Variants in INPP4B observed in about 807,000 individuals in gnomAD.
The protein encoded by INPP4B is inositol polyphosphate-4-phosphatase type II B, also known as inositol polyphosphate 4-phosphatase type II.
In INPP4B, 55 loss-of-function variants were observed where a neutral mutation model predicts 122.5. That is an observed-to-expected ratio of 0.45 (90% confidence interval 0.36 to 0.56). The LOEUF (loss-of-function observed/expected upper bound fraction) is 0.56. INPP4B is among the 20% of genes least tolerant of loss of function. The probability of loss-of-function intolerance (pLI) is 0.00; values close to 1 mark genes in which losing one functional copy is unlikely to be tolerated. For synonymous variants in INPP4B, 403 were observed against 388.7 expected, an observed-to-expected ratio of 1.04 and a Z score of -0.43; for missense variants, 1,000 against 1,097.7, an observed-to-expected ratio of 0.91 and a Z score of 1.26.
At chr4:142,567,253 T>A (rs1450693469) in intron 2 of INPP4B, among the ~76,000 whole-genome samples, 1 of 152,048 alleles carries the variant, frequency 6.6e-6, no homozygotes, top group Non-Finnish European at 1.5e-5. Context: ...TAAATTCGAA[T>A]CCATACACAG....
chr4:142,252,771 A>G (rs1461086777), intron 11 of INPP4B, among the ~76,000 whole-genome samples: 1 of 152,230 alleles, frequency 6.6e-6, no homozygotes, highest in Non-Finnish European at 1.5e-5. Flanking sequence ...GAGTTATATA[A>G]TTAGGAAGTC....
In INPP4B at chr4:142,717,497, C is replaced by T. The variant is rs560010687; in HGVS notation, c.-191+8342G>A. On this transcript the variant is annotated intron_variant, in intron 2 of 25. Coordinates refer to ENST00000262992, the MANE Select transcript of INPP4B (RefSeq NM_001101669.3). ...CCAAACTATCTGGCTACCAAAATGT[C>T]CATCAATGGTAGACTGGATTAAGAA... Among the ~76,000 whole-genome samples the T allele has an allele frequency of 1.8e-3, 279 of 152,238 alleles. 5 individuals carry two copies. The South Asian group carries it at 0.019, about 11-fold the overall frequency.
chr4:142,396,240 G>A (rs1799320652), intron 7 of INPP4B, among the ~76,000 whole-genome samples: 1 of 152,054 alleles, frequency 6.6e-6, no homozygotes, highest in Non-Finnish European at 1.5e-5. Context: ...TATCCACAAT[G>A]TATGAAGAAC....
intron 2 of INPP4B, among the ~76,000 whole-genome samples, chr4:142,467,315 C>T (rs1817969991): frequency 6.6e-6 from 1 of 152,202 alleles, no homozygotes; most frequent in African/African-American, 2.4e-5. Flanking sequence ...GGCAGGGCTT[C>T]CTCAGGCCAT....
chr4:142,580,907 C>T (rs1166269937), intron 2 of INPP4B, among the ~76,000 whole-genome samples: 3 of 151,972 alleles, frequency 2.0e-5, no homozygotes, highest in African/African-American at 7.2e-5. Context: ...GGAACTATAT[C>T]TTATTACATG....
intron 21 of INPP4B, among the ~76,000 whole-genome samples, chr4:142,120,375 C>T (rs1796062630): frequency 2.0e-5 from 3 of 152,050 alleles, no homozygotes; most frequent in South Asian, 2.1e-4. Flanking sequence ...AAAAAGACTA[C>T]GGAGATTTAG....
At chr4:142,267,564 T>A (rs1022013294) in intron 10 of INPP4B, among the ~76,000 whole-genome samples, 6 of 152,122 alleles carry the variant, frequency 3.9e-5, no homozygotes, top group African/African-American at 1.2e-4. Context: ...TGCACAAAAA[T>A]CAACTCAAAA....
intron 1 of INPP4B, among the ~76,000 whole-genome samples, chr4:142,793,399 A>G (rs943852522): frequency 3.9e-5 from 6 of 152,122 alleles, no homozygotes; most frequent in Non-Finnish European, 7.4e-5. Flanking sequence ...TGAATAGAGA[A>G]GCAGAACTAT....
chr4:142,728,965 G>A (rs890535894), intron 1 of INPP4B, among the ~76,000 whole-genome samples: 2 of 152,038 alleles, frequency 1.3e-5, no homozygotes, highest in African/African-American at 2.4e-5. Context: ...AAAATCTTAC[G>A]GTTAATTTAA....
intron 1 of INPP4B, among the ~76,000 whole-genome samples, chr4:142,748,325 A>C (rs971215599): frequency 6.6e-6 from 1 of 152,054 alleles, no homozygotes; most frequent in African/African-American, 2.4e-5. Context: ...GACTTAAAAA[A>C]ATGAAAAAAG....
At chr4:142,454,299 C>G (rs540112387) in intron 3 of INPP4B, among the ~76,000 whole-genome samples, 3 of 152,178 alleles carry the variant, frequency 2.0e-5, no homozygotes, top group African/African-American at 7.2e-5. Context: ...ACATTCTGCC[C>G]TTGCCAGAGT....
intron 2 of INPP4B, among the ~76,000 whole-genome samples, chr4:142,541,672 G>C (rs1225223562): frequency 6.6e-6 from 1 of 152,200 alleles, no homozygotes; most frequent in Admixed American, 6.5e-5. Context: ...TGTTGGTAGA[G>C]AGCGCTGCAG....
intron 25 of INPP4B, among the ~76,000 whole-genome samples, chr4:142,057,406 T>A (rs1578750519): frequency 6.6e-6 from 1 of 152,248 alleles, no homozygotes; most frequent in East Asian, 1.9e-4. Context: ...AGTGATGGAA[T>A]GCGAGAATAA....
chr4:142,408,993 T>G (rs1804028138), intron 5 of INPP4B, among the ~76,000 whole-genome samples: 1 of 152,096 alleles, frequency 6.6e-6, no homozygotes, highest in Non-Finnish European at 1.5e-5. Context: ...TTGTGACTTG[T>G]CATCAGAAAA....
chr4:142,629,805 C>T (rs931418343), intron 2 of INPP4B, among the ~76,000 whole-genome samples: 1 of 152,014 alleles, frequency 6.6e-6, no homozygotes, highest in Non-Finnish European at 1.5e-5. Context: ...TGCCCTCTGC[C>T]CAATTGCCCT....
At chr4:142,181,215 C>T (rs1370413209) in intron 15 of INPP4B, among the ~76,000 whole-genome samples, 1 of 152,192 alleles carries the variant, frequency 6.6e-6, no homozygotes, top group African/African-American at 2.4e-5. Context: ...AACCACTCTG[C>T]ATTGAAGTTC....
intron 18 of INPP4B, among the ~76,000 whole-genome samples, chr4:142,128,776 T>TG (rs1248121641): frequency 5.9e-5 from 9 of 151,698 alleles, no homozygotes; most frequent in African/African-American, 1.9e-4. Flanking sequence ...GGCTGCTGGG[T>TG]GCCCCCCTCA....
chr4:142,702,726 G>A (rs1402000285), intron 2 of INPP4B, among the ~76,000 whole-genome samples: 3 of 50,724 alleles, frequency 5.9e-5, no homozygotes, highest in South Asian at 6.8e-4. Context: ...TTAAAACTCC[G>A]TCTCAAAAAA....
intron 1 of INPP4B, among the ~76,000 whole-genome samples, chr4:142,784,457 C>T (rs1472646888): frequency 6.6e-6 from 1 of 151,658 alleles, no homozygotes; most frequent in Non-Finnish European, 1.5e-5. Flanking sequence ...AAACTGAGGT[C>T]ACAGGGCAAA....
Sources: allele counts gnomAD v4.1 joint callset (sites outside exome capture counted in the v4.1 genomes callset), GRCh38; gene constraint gnomAD v4.1.1; transcripts MANE v1.5; gene names NCBI Gene and HGNC (gene_info 2026-07-23, HGNC 2026-07-21).